AP3B1: variants seen among roughly 807,000 people sequenced by gnomAD.
The protein encoded by AP3B1 is adaptor related protein complex 3 subunit beta 1, also known as AP-3 complex subunit beta-1.
A neutral mutation model predicts 132.5 loss-of-function variants in AP3B1; 61 were observed. The observed-to-expected ratio is 0.46, with a 90% confidence interval of 0.37 to 0.57. The LOEUF (loss-of-function observed/expected upper bound fraction) is 0.57. Ranked by LOEUF, AP3B1 falls within the 20% of genes least tolerant of loss-of-function variation. AP3B1 has a pLI of 0.00. For synonymous variants in AP3B1, 388 were observed against 438.3 expected (o/e 0.89, Z 1.43); for missense variants, 1,120 against 1,289.4 (o/e 0.87, Z 2.01).
intron 7 of AP3B1, among the ~76,000 whole-genome samples, chr5:78,187,149 T>C (rs907252871): frequency 2.2e-4 from 33 of 152,304 alleles, no homozygotes; most frequent in African/African-American, 7.7e-4. Flanking sequence ...AGATATACTT[T>C]TATATCAAAG....
intron 22 of AP3B1, among the ~76,000 whole-genome samples, chr5:78,059,778 G>A (rs1225485193): frequency 1.3e-5 from 2 of 151,994 alleles, no homozygotes; most frequent in African/African-American, 4.8e-5. Flanking sequence ...AAAATGAACT[G>A]CCATCATTAA....
At chr5:78,238,081 G>A in intron 3 of AP3B1, among the ~76,000 whole-genome samples, 1 of 152,218 alleles carries the variant, frequency 6.6e-6, no homozygotes, top group East Asian at 1.9e-4. Context: ...GGGCAAGCAA[G>A]TGAAGCTTCA....
intron 21 of AP3B1, among the ~76,000 whole-genome samples, chr5:78,096,901 C>G (rs1331411961): frequency 2.0e-5 from 3 of 149,586 alleles, no homozygotes; most frequent in Non-Finnish European, 4.5e-5. Flanking sequence ...GTCAGCCCCC[C>G]GCCCGGCCAG....
At chr5:78,205,442 T>C (rs9283793) in intron 7 of AP3B1, among the ~76,000 whole-genome samples, 45,076 of 151,262 alleles carry the variant, frequency 0.3, 6,911 homozygotes, top group Middle Eastern at 0.35. Flanking sequence ...CATATATATA[T>C]ACACACACAC....
At chr5:78,261,583 A>G (rs1400686733) in intron 2 of AP3B1, among the ~76,000 whole-genome samples, 1 of 152,142 alleles carries the variant, frequency 6.6e-6, no homozygotes, top group African/African-American at 2.4e-5. Flanking sequence ...CTCCTTCCTC[A>G]GTCTCTCAAG....
chr5:78,216,331 T>C (rs1745960847), intron 6 of AP3B1, 94 bp from the exon 7 acceptor site: 1 of 1,192,218 alleles, frequency 8.4e-7, no homozygotes, highest in South Asian at 1.3e-5. Context: ...TTCATGCCAA[T>C]CAGTATTAAA....
At position 78,216,079 on chromosome 5, in the gene AP3B1, T is replaced by C. The variant is rs1745948161; in HGVS notation, c.762A>G (p.Thr254=). 6.2e-7 allele frequency: 1 copy of C among 1,614,056 alleles called. No individual in the cohort carries two copies. The highest frequency in any genetic ancestry group is 8.5e-7 in the Non-Finnish European group (1 of 1,179,902). The change falls in exon 7 of 27, where the codon ACA becomes ACG. Residue 254 remains threonine, a synonymous_variant. Coordinates refer to ENST00000255194, the MANE Select transcript of AP3B1 (RefSeq NM_003664.5). ...CCTCTTTCCAAGGGCTGACAAACTGTGTCCGAGCATATCGAGTTAGCATGT... is the reference window on the plus strand; with the variant it reads ...CCTCTTTCCAAGGGCTGACAAACTGCGTCCGAGCATATCGAGTTAGCATGT... ...IIHMLTRYAR[T]QFVSPWKEGD... is the part of the protein sequence containing the mutation.
chr5:78,259,467 G>A (rs900172333), intron 2 of AP3B1, among the ~76,000 whole-genome samples: 9 of 152,104 alleles, frequency 5.9e-5, no homozygotes, highest in African/African-American at 2.2e-4. Context: ...GGAAAATAGG[G>A]TGACCACAAT....
At chr5:78,249,238 G>A (rs901851148) in intron 2 of AP3B1, among the ~76,000 whole-genome samples, 1 of 151,924 alleles carries the variant, frequency 6.6e-6, no homozygotes, top group Non-Finnish European at 1.5e-5. Context: ...GGGAGCGGGG[G>A]CACCTGTAAT....
chr5:78,163,082 C>A lies in AP3B1; in HGVS notation c.1231-131G>T. On this transcript the variant is annotated intron_variant, in intron 12 of 26. Transcript: ENST00000255194. ...ACTTCTCATAAGCACAATATGAGGA[C>A]CAAGTGATGATGTAGATTAATTTCA... is the stretch of plus-strand genomic sequence containing the variant. 6 of 831,844 alleles carry A rather than the reference C, an allele frequency of 7.2e-6. No homozygotes were observed. In the South Asian group the frequency reaches 7.4e-5, roughly 10 times the overall value. 51.5% of individuals were successfully genotyped at this position (831,844 alleles called of 1,614,324 possible).
intron 1 of AP3B1, among the ~76,000 whole-genome samples, chr5:78,269,530 G>A (rs1315898981): frequency 6.6e-6 from 1 of 152,204 alleles, no homozygotes; most frequent in Non-Finnish European, 1.5e-5. Context: ...AACTAGGGAT[G>A]TGTTAGGGCT....
chr5:78,246,675 G>A (rs1248958270), intron 2 of AP3B1, among the ~76,000 whole-genome samples: 1 of 151,784 alleles, frequency 6.6e-6, no homozygotes, highest in African/African-American at 2.4e-5. Context: ...ATGTCAACAG[G>A]GTCTTGCATT....
At chr5:78,036,117 GT>G (rs1747798164) in intron 23 of AP3B1, among the ~76,000 whole-genome samples, 1 of 152,054 alleles carries the variant, frequency 6.6e-6, no homozygotes, top group Non-Finnish European at 1.5e-5. Context: ...AAGATGCCTT[GT>G]TGATAGCACT....
At chr5:78,030,273 G>C (rs1451028281) in intron 24 of AP3B1, among the ~76,000 whole-genome samples, 2 of 152,082 alleles carry the variant, frequency 1.3e-5, no homozygotes, top group Non-Finnish European at 2.9e-5. Context: ...GAGTAGCTGG[G>C]ACTACAGGCA....
chr5:78,046,251 G>A (rs897403804), intron 22 of AP3B1, among the ~76,000 whole-genome samples: 6 of 152,184 alleles, frequency 3.9e-5, no homozygotes, highest in Non-Finnish European at 8.8e-5. Context: ...TACCGCCTGA[G>A]CTCTGCCTCC....
At chr5:78,155,824 T>C (rs563995998) in intron 14 of AP3B1, among the ~76,000 whole-genome samples, 5 of 151,978 alleles carry the variant, frequency 3.3e-5, no homozygotes, top group African/African-American at 7.3e-5. Context: ...AAACCAATGA[T>C]ACACTTCAAA....
Position 78,018,671 on chromosome 5 carries a change from A to C in AP3B1, c.2992+2021T>G, listed in dbSNP as rs200601883. 2.5e-3 allele frequency among the ~76,000 whole-genome samples: 370 copies of C among 146,680 alleles called. 13 individuals are homozygous for C. In the East Asian group the frequency reaches 0.065, roughly 26 times the overall value. ...TAGAAAAATCGGTTAAAGCTGGTGT[A>C]ACACACACACACACACACACACACA... On this transcript the variant is annotated intron_variant, in intron 25 of 26. Transcript: ENST00000255194.
At chr5:78,222,421 G>C (rs1444896600) in intron 6 of AP3B1, 1 of 152,726 alleles carries the variant, frequency 6.5e-6, no homozygotes, top group Non-Finnish European at 1.5e-5. Flanking sequence ...GAACCATCTG[G>C]AAGCAGTTTA....
chr5:78,038,086 C>A (rs936030597), intron 23 of AP3B1, among the ~76,000 whole-genome samples: 1 of 152,140 alleles, frequency 6.6e-6, no homozygotes, highest in Non-Finnish European at 1.5e-5. Context: ...CTGGAAAGTG[C>A]GAGCCAAAGC....
Sources: allele counts gnomAD v4.1 joint callset (sites outside exome capture counted in the v4.1 genomes callset), GRCh38; gene constraint gnomAD v4.1.1; transcripts MANE v1.5; gene names NCBI Gene and HGNC (gene_info 2026-07-23, HGNC 2026-07-21).